Variants in ST6GALNAC3 observed in about 807,000 individuals in gnomAD.
The protein encoded by ST6GALNAC3 is alpha-N-acetylgalactosaminide alpha-2,6-sialyltransferase 3.
ST6GALNAC3 carries 25 observed loss-of-function variants against 32.7 expected under a neutral mutation model. That is an observed-to-expected ratio of 0.76 (90% CI 0.56 to 1.07). The LOEUF is 1.07. ST6GALNAC3 is among the 50% of genes least tolerant of loss of function. The pLI is 0.00. For synonymous variants in ST6GALNAC3, 129 were observed against 133.1 expected (o/e 0.97, Z 0.21); for missense variants, 355 against 382.4 (o/e 0.93, Z 0.60).
intron 2 of ST6GALNAC3, among the ~76,000 whole-genome samples, chr1:76,320,265 T>C (rs1363389406): frequency 6.6e-6 from 1 of 152,180 alleles, no homozygotes; most frequent in Non-Finnish European, 1.5e-5. Context: ...CCAAGGACAC[T>C]ATATGGAAAG....
At chr1:76,543,994 G>A (rs908791859) in intron 3 of ST6GALNAC3, among the ~76,000 whole-genome samples, 6 of 151,776 alleles carry the variant, frequency 4.0e-5, no homozygotes, top group African/African-American at 1.5e-4. Context: ...CTGGGAATGC[G>A]ATGAAAATCA....
At position 76,474,844 on chromosome 1, in the gene ST6GALNAC3, T is replaced by C. The variant is rs1006290275; in HGVS notation, c.623+62427T>C. 3.3e-5 allele frequency among the ~76,000 whole-genome samples: 5 copies of C among 152,178 alleles called. No homozygotes were observed. The East Asian group carries it at 9.6e-4, about 29-fold the overall frequency. On this transcript the variant is annotated intron_variant, in intron 3 of 4. Coordinates refer to ENST00000328299, the MANE Select transcript of ST6GALNAC3 (RefSeq NM_152996.4). The stretch of plus-strand genomic sequence containing the variant: ...TCGCATCCTGTGGGATTGCACCTTA[T>C]TTTAGTTGCACCTCTTGGAAGCTTC...
At chr1:76,171,524 G>A (rs75703283) in intron 1 of ST6GALNAC3, among the ~76,000 whole-genome samples, 6 of 149,618 alleles carry the variant, frequency 4.0e-5, no homozygotes, top group South Asian at 2.1e-4. Context: ...AAAAATTAAC[G>A]AATAGATAGA....
chr1:76,628,887 GATGGTA>G lies in ST6GALNAC3; in HGVS notation c.*85_*90del, dbSNP rs1649148747. 1 of 1,567,466 alleles carries G rather than the reference GATGGTA, an allele frequency of 6.4e-7. No homozygotes were observed. ...TGATGCTGATGATGCTAATGGAGATGATGGTAATGATAAAGACAACAACAATGATTA... is the reference window on the plus strand; with the variant it reads ...TGATGCTGATGATGCTAATGGAGATGATGATAAAGACAACAACAATGATTA... On this transcript the variant is annotated 3_prime_UTR_variant, in exon 5 of 5. Coordinates refer to ENST00000328299, the MANE Select transcript of ST6GALNAC3 (RefSeq NM_152996.4).
intron 3 of ST6GALNAC3, among the ~76,000 whole-genome samples, chr1:76,438,065 G>A (rs999671882): frequency 8.0e-5 from 12 of 149,970 alleles, no homozygotes; most frequent in Admixed American, 7.3e-4. Context: ...GTATAGAGAA[G>A]GGTTCATTTA....
At chr1:76,185,707 A>G (rs1302230986) in intron 1 of ST6GALNAC3, among the ~76,000 whole-genome samples, 3 of 152,204 alleles carry the variant, frequency 2.0e-5, no homozygotes, top group Non-Finnish European at 4.4e-5. Flanking sequence ...TTAGGGACAC[A>G]GAGACGAACA....
At chr1:76,577,687 C>T (rs1234998175) in intron 3 of ST6GALNAC3, among the ~76,000 whole-genome samples, 1 of 151,994 alleles carries the variant, frequency 6.6e-6, no homozygotes, top group Non-Finnish European at 1.5e-5. Flanking sequence ...GCACATGTTC[C>T]TCCCATTAGT....
At chr1:76,365,044 T>C (rs1326378499) in intron 2 of ST6GALNAC3, among the ~76,000 whole-genome samples, 1 of 152,180 alleles carries the variant, frequency 6.6e-6, no homozygotes, top group East Asian at 1.9e-4. Flanking sequence ...CACAGCACCA[T>C]TCACAATAGC....
chr1:76,130,282 T>G (rs1649526889), intron 1 of ST6GALNAC3, among the ~76,000 whole-genome samples: 1 of 152,166 alleles, frequency 6.6e-6, no homozygotes, highest in African/African-American at 2.4e-5. Context: ...TTGGCAAAGA[T>G]GTAGCAAGGT....
At chr1:76,495,823 G>A (rs72989907) in intron 3 of ST6GALNAC3, among the ~76,000 whole-genome samples, 2,547 of 152,192 alleles carry the variant, frequency 0.017, 62 homozygotes, top group African/African-American at 0.059. Context: ...ACTACAGAAC[G>A]AAATGGTAAA....
intron 1 of ST6GALNAC3, among the ~76,000 whole-genome samples, chr1:76,145,714 AATTCT>A (rs1369432988): frequency 6.6e-6 from 1 of 152,210 alleles, no homozygotes; most frequent in African/African-American, 2.4e-5. Context: ...CTGGAGAGTA[AATTCT>A]ATATGTGTTT....
intron 1 of ST6GALNAC3, among the ~76,000 whole-genome samples, chr1:76,290,186 G>T (rs1570708345): frequency 2.0e-5 from 3 of 152,324 alleles, no homozygotes; most frequent in South Asian, 4.1e-4. Flanking sequence ...CCCTCCACAG[G>T]ATTAACCCCT....
intron 3 of ST6GALNAC3, among the ~76,000 whole-genome samples, chr1:76,622,124 T>G (rs1038998528): frequency 6.6e-6 from 1 of 151,846 alleles, no homozygotes; most frequent in African/African-American, 2.4e-5. Context: ...TTTCATCAGT[T>G]CAAGAAAGAA....
rs183944754 is a variant in ST6GALNAC3 at position 76,606,804 on chromosome 1, G to T, written c.624-20648G>T. Reference sequence around the variant, plus strand: ...AGGTATTACTAAAAGGCAACTGAAAGAAAAAAATGTTTCTCTATACTTAAC... The same window carrying T: ...AGGTATTACTAAAAGGCAACTGAAATAAAAAAATGTTTCTCTATACTTAAC... On this transcript the variant is annotated intron_variant, in intron 3 of 4. Coordinates refer to ENST00000328299, the MANE Select transcript of ST6GALNAC3 (RefSeq NM_152996.4). 4.6e-4 allele frequency among the ~76,000 whole-genome samples: 67 copies of T among 146,246 alleles called. No individual in the cohort carries two copies. In the Middle Eastern group the frequency reaches 0.011, roughly 24 times the overall value.
chr1:76,412,355 G>T lies in ST6GALNAC3; in HGVS notation c.561G>T (p.Val187=). ...TCTATCCGAATGCCCAAATATACGTGACCACAGAGAAGCGCATGAGTTACT... is the reference window on the plus strand; with the variant it reads ...TCTATCCGAATGCCCAAATATACGTTACCACAGAGAAGCGCATGAGTTACT... ...VGIYPNAQIY[V]TTEKRMSYCD... The change falls in exon 3 of 5, where the codon GTG becomes GTT. Residue 187 remains valine (V), a synonymous_variant. Coordinates refer to ENST00000328299, the MANE Select transcript of ST6GALNAC3 (RefSeq NM_152996.4). 6.2e-7 allele frequency: 1 copy of T among 1,613,300 alleles called. No individual in the cohort carries two copies. The highest frequency in any genetic ancestry group is 1.1e-5 in the South Asian group (1 of 91,008).
At chr1:76,359,359 G>C (rs1278911902) in intron 2 of ST6GALNAC3, among the ~76,000 whole-genome samples, 2 of 152,128 alleles carry the variant, frequency 1.3e-5, no homozygotes, top group African/African-American at 4.8e-5. Flanking sequence ...GTAAGATGAG[G>C]TCATACTGTA....
intron 1 of ST6GALNAC3, among the ~76,000 whole-genome samples, chr1:76,311,493 A>G (rs1273407258): frequency 1.3e-5 from 2 of 151,924 alleles, no homozygotes; most frequent in Non-Finnish European, 2.9e-5. Context: ...ATGTGTTCTC[A>G]TTGTTCAACT....
intron 2 of ST6GALNAC3, among the ~76,000 whole-genome samples, chr1:76,353,281 ACG>A (rs1649153569): frequency 6.6e-6 from 1 of 151,960 alleles, no homozygotes; most frequent in South Asian, 2.1e-4. Context: ...CTTCGGGCCC[ACG>A]CGTTTCTGTG....
At chr1:76,363,279 A>C (rs1650109963) in intron 2 of ST6GALNAC3, among the ~76,000 whole-genome samples, 1 of 152,130 alleles carries the variant, frequency 6.6e-6, no homozygotes, top group Non-Finnish European at 1.5e-5. Flanking sequence ...CATCACTCTC[A>C]TGTTCAAAGT....
Sources: gnomAD v4.1 joint callset for allele counts (sites outside exome capture counted in the v4.1 genomes callset) on GRCh38, gnomAD v4.1.1 for gene constraint, MANE v1.5 for transcripts, NCBI Gene and HGNC (gene_info 2026-07-23, HGNC 2026-07-21) for gene names.